IHO1: variants seen among roughly 807,000 people sequenced by gnomAD.
The protein encoded by IHO1 is interactor of HORMAD1 protein 1.
Under a neutral mutation model 31.0 loss-of-function variants are expected in IHO1, and 13 were observed. The ratio of observed to expected loss-of-function variants is 0.42; its 90% CI spans 0.27 to 0.67. The LOEUF (loss-of-function observed/expected upper bound fraction) is 0.67, where lower values mean the gene tolerates loss of function less well. Ranked by LOEUF, IHO1 falls within the 30% of genes least tolerant of loss-of-function variation. The pLI is 0.24. For missense variants in IHO1, 599 were observed against 687.5 expected (o/e 0.87, Z 1.44); for synonymous variants, 221 against 248.4 (o/e 0.89, Z 1.04).
At chr3:49,225,218 C>G (rs1488212029) in intron 2 of IHO1, among the ~76,000 whole-genome samples, 1 of 152,216 alleles carries the variant, frequency 6.6e-6, no homozygotes, top group Non-Finnish European at 1.5e-5. Context: ...GTAATCCCAG[C>G]ACTTTGGGAG....
chr3:49,245,248 G>T (rs1191324988), intron 6 of IHO1: 1 of 159,030 alleles, frequency 6.3e-6, no homozygotes, highest in South Asian at 2.0e-4. Flanking sequence ...GTGCAGTGGC[G>T]CAATCTCGGC....
intron 2 of IHO1, among the ~76,000 whole-genome samples, chr3:49,221,427 G>A (rs2046354722): frequency 6.6e-6 from 1 of 152,198 alleles, no homozygotes; most frequent in East Asian, 1.9e-4. Context: ...AGCGCTGATT[G>A]GTGCAGTTAC....
At chr3:49,251,340 T>C (rs1301523736) in intron 6 of IHO1, among the ~76,000 whole-genome samples, 3 of 145,874 alleles carry the variant, frequency 2.1e-5, no homozygotes, top group African/African-American at 7.6e-5. Context: ...GGCTGGAGTG[T>C]AGTGGCACAA....
chr3:49,227,136 A>G (rs2046427854), intron 2 of IHO1, among the ~76,000 whole-genome samples: 1 of 152,188 alleles, frequency 6.6e-6, no homozygotes, highest in Admixed American at 6.5e-5. Context: ...GAAAGCTTGG[A>G]CATAAGATAT....
rs536685842 is a variant in IHO1, at chr3:49,205,397, C to A, written c.-16+5824C>A. On this transcript the variant is annotated intron_variant, in intron 1 of 7. Transcript: ENST00000452691. ...GCCGTGGTACAATCTCTGCTCACTGCAACCTCTGCCTTCTGGTTTCAAGCG... is the reference window on the plus strand; with the variant it reads ...GCCGTGGTACAATCTCTGCTCACTGAAACCTCTGCCTTCTGGTTTCAAGCG... Among the ~76,000 whole-genome samples, 15 of 151,600 alleles carry A rather than the reference C, an allele frequency of 9.9e-5. No individual in the cohort carries two copies. In the South Asian group the frequency reaches 3.1e-3, roughly 32 times the overall value.
intron 6 of IHO1, among the ~76,000 whole-genome samples, chr3:49,253,999 C>A (rs1575589596): frequency 6.6e-6 from 1 of 151,784 alleles, no homozygotes; most frequent in Non-Finnish European, 1.5e-5. Flanking sequence ...ACGCCTGGCT[C>A]ATTTTTGTAT....
chr3:49,199,707 T>C (rs2046028458), intron 1 of IHO1, 134 bp downstream of exon 1: 1 of 152,074 alleles, frequency 6.6e-6, no homozygotes, highest in African/African-American at 2.4e-5. Context: ...GTTGGTCTTG[T>C]AGTCCCTCCC....
chr3:49,246,257 G>A (rs907541764), intron 6 of IHO1, among the ~76,000 whole-genome samples: 2 of 151,922 alleles, frequency 1.3e-5, no homozygotes, highest in Admixed American at 1.3e-4. Flanking sequence ...AAGACAGACG[G>A]CAGAAGCAAA....
chr3:49,193,692 A>G (rs1255196696), upstream of IHO1, among the ~76,000 whole-genome samples: 2 of 124,868 alleles, frequency 1.6e-5, no homozygotes, highest in Non-Finnish European at 3.3e-5. Context: ...GGCCAGGTGC[A>G]GTGGCTCACG....
At position 49,238,397 on chromosome 3, in the gene IHO1, A is replaced by G. The variant is rs573548647; in HGVS notation, c.231+1675A>G. On this transcript the variant is annotated intron_variant, in intron 3 of 7. Coordinates refer to ENST00000452691, the MANE Select transcript of IHO1 (RefSeq NM_001135197.2). ...AGAGGACCAGAGAGACCAAATGGAT[A>G]AAACAGGAGGATTTTATTAAGGTGT... Among the ~76,000 whole-genome samples the G allele has an allele frequency of 2.7e-3, 417 of 152,216 alleles. 1 individual carries two copies. The highest frequency in any genetic ancestry group is 5.1e-3 in the Non-Finnish European group (345 of 68,012).
Position 49,257,317 on chromosome 3 carries a change from AAG to A in IHO1, c.*39_*40del, listed in dbSNP as rs1456512902. The A allele has an allele frequency of 8.2e-6, 13 of 1,583,008 alleles. No homozygotes were observed. The highest frequency in any genetic ancestry group is 1.1e-5 in the Non-Finnish European group (13 of 1,161,264). ...AGTTGATTTATTGGTCTCAGCTAGA[AAG>A]AGAAATTGCAGGACATTTGGGCTGG... On this transcript the variant is annotated 3_prime_UTR_variant, in exon 8 of 8. Coordinates refer to ENST00000452691, the MANE Select transcript of IHO1 (RefSeq NM_001135197.2).
chr3:49,191,872 G>T, the IHO1 span: 2 of 1,139,716 alleles, frequency 1.8e-6, no homozygotes, highest in South Asian at 1.3e-5. Flanking sequence ...GTTGCTTAGT[G>T]ACAAGGGAAG....
At chr3:49,207,976 G>A (rs933514623) in intron 1 of IHO1, among the ~76,000 whole-genome samples, 2 of 151,984 alleles carry the variant, frequency 1.3e-5, no homozygotes, top group Non-Finnish European at 1.5e-5. Context: ...GTTTCACCAC[G>A]TTAGCCAGGA....
intron 2 of IHO1, among the ~76,000 whole-genome samples, chr3:49,233,689 C>T (rs570679000): frequency 2.6e-4 from 39 of 152,290 alleles, no homozygotes; most frequent in African/African-American, 9.1e-4. Flanking sequence ...AAAAGGGGGA[C>T]ATGTTGGGAA....
intron 1 of IHO1, among the ~76,000 whole-genome samples, chr3:49,201,893 GGTTAATAGAGTGAA>G (rs1575561773): frequency 6.6e-6 from 1 of 152,158 alleles, no homozygotes; most frequent in East Asian, 1.9e-4. Flanking sequence ...ACTCCAACCT[GGTTAATAGAGTGAA>G]GCCCCAGCTC....
the IHO1 span, chr3:49,191,850 G>C: frequency 7.0e-7 from 1 of 1,430,590 alleles, no homozygotes; most frequent in Non-Finnish European, 9.5e-7. Flanking sequence ...AATCTCTGGA[G>C]GTCAATTTTT....
At chr3:49,243,757 CAA>C (rs1158612762) in intron 4 of IHO1, among the ~76,000 whole-genome samples, 7 of 44,588 alleles carry the variant, frequency 1.6e-4, no homozygotes, top group African/African-American at 2.6e-4. Flanking sequence ...GACTCTGTCT[CAA>C]AAAAAAAAAA....
At chr3:49,228,234 C>T in intron 2 of IHO1, 1 of 417,524 alleles carries the variant, frequency 2.4e-6, no homozygotes, top group Non-Finnish European at 4.8e-6. Context: ...GTCGGGACCC[C>T]AGAACTGAAT....
chr3:49,232,139 G>A (rs771028489), intron 2 of IHO1, among the ~76,000 whole-genome samples: 9 of 152,158 alleles, frequency 5.9e-5, no homozygotes, highest in Non-Finnish European at 1.0e-4. Flanking sequence ...GCCCCAGGCT[G>A]TACTAGCCAA....
Sources: allele counts gnomAD v4.1 joint callset (sites outside exome capture counted in the v4.1 genomes callset), GRCh38; gene constraint gnomAD v4.1.1; transcripts MANE v1.5; gene names NCBI Gene and HGNC (gene_info 2026-07-23, HGNC 2026-07-21).